Variants in MAGI1 observed in about 807,000 individuals in gnomAD.
MAGI1 encodes the protein membrane associated guanylate kinase, WW and PDZ domain containing 1.
MAGI1 carries 58 observed loss-of-function variants against 139.9 expected under a neutral mutation model. That is an observed-to-expected ratio of 0.41 (90% confidence interval 0.34 to 0.52). MAGI1 has a LOEUF of 0.52. MAGI1 is among the 20% of genes least tolerant of loss of function. The pLI, the probability that MAGI1 is intolerant of heterozygous loss-of-function variation, is 0.12. For missense variants in MAGI1, 1,874 were observed against 1,901.6 expected (o/e 0.99, Z 0.27); for synonymous variants, 812 against 737.9 (o/e 1.10, Z -1.63).
At chr3:65,599,953 T>A (rs1442744701) in intron 2 of MAGI1, among the ~76,000 whole-genome samples, 1 of 152,248 alleles carries the variant, frequency 6.6e-6, no homozygotes, top group Non-Finnish European at 1.5e-5. Flanking sequence ...TTTGCTTACC[T>A]ATTTTGTTTG....
At chr3:65,992,151 A>G (rs538793893) in intron 1 of MAGI1, among the ~76,000 whole-genome samples, 1 of 152,344 alleles carries the variant, frequency 6.6e-6, no homozygotes, top group South Asian at 2.1e-4. Context: ...TCACAAAACC[A>G]TAACATCCTC....
At chr3:65,989,874 T>C (rs1242548148) in intron 1 of MAGI1, among the ~76,000 whole-genome samples, 1 of 119,522 alleles carries the variant, frequency 8.4e-6, no homozygotes, top group Non-Finnish European at 1.7e-5. Context: ...AGTTGTTGTG[T>C]TCATTTTACT....
At chr3:65,971,590 CAT>C (rs1220466071) in intron 1 of MAGI1, among the ~76,000 whole-genome samples, 10 of 152,320 alleles carry the variant, frequency 6.6e-5, no homozygotes, top group South Asian at 2.1e-4. Context: ...AAGTCAAGCA[CAT>C]GTTTTCACGC....
Position 65,453,352 on chromosome 3 carries a change from A to G in MAGI1, c.960-12T>C. The G allele has an allele frequency of 6.3e-7, 1 of 1,582,168 alleles. No homozygotes were observed. The highest frequency in any genetic ancestry group is 8.6e-7 in the Non-Finnish European group (1 of 1,164,850). On this transcript the variant is annotated splice_polypyrimidine_tract_variant and intron_variant, in intron 5 of 22. Coordinates refer to ENST00000402939, the MANE Select transcript of MAGI1 (RefSeq NM_001033057.2). The stretch of plus-strand genomic sequence containing the variant: ...TTTTCGTGTTATGGCTGCAATCCAG[A>G]AACAAAAATAAGAAATTTGTTTGAA...
At chr3:65,828,365 C>T (rs974444163) in intron 1 of MAGI1, among the ~76,000 whole-genome samples, 5 of 152,166 alleles carry the variant, frequency 3.3e-5, no homozygotes, top group African/African-American at 9.7e-5. Flanking sequence ...AGATTTCTCA[C>T]CCCCCAAACT....
At chr3:65,839,136 C>A (rs916957386) in intron 1 of MAGI1, among the ~76,000 whole-genome samples, 1 of 152,130 alleles carries the variant, frequency 6.6e-6, no homozygotes, top group African/African-American at 2.4e-5. Flanking sequence ...CAGTCAACAA[C>A]AGACCACATA....
intron 12 of MAGI1, among the ~76,000 whole-genome samples, chr3:65,415,829 G>A (rs1946173651): frequency 6.6e-6 from 1 of 152,168 alleles, no homozygotes; most frequent in East Asian, 1.9e-4. Flanking sequence ...TGGGGAGACG[G>A]GGGTGCTACC....
intron 2 of MAGI1, among the ~76,000 whole-genome samples, chr3:65,592,848 T>C (rs1045436147): frequency 3.9e-5 from 6 of 152,184 alleles, no homozygotes; most frequent in Non-Finnish European, 8.8e-5. Flanking sequence ...AGTGGAAAGA[T>C]CTCATTTTAA....
chr3:65,371,121 C>T (rs1441121131), intron 18 of MAGI1, among the ~76,000 whole-genome samples: 1 of 152,216 alleles, frequency 6.6e-6, no homozygotes, highest in East Asian at 1.9e-4. Context: ...ATAAGATTGA[C>T]CAATTATAAA....
intron 4 of MAGI1, among the ~76,000 whole-genome samples, chr3:65,477,958 T>C (rs1301659128): frequency 2.6e-5 from 4 of 151,588 alleles, no homozygotes; most frequent in African/African-American, 4.8e-5. Flanking sequence ...GCCCTGAATA[T>C]AGATAAAATA....
At chr3:65,491,541 C>T (rs748142288) in intron 3 of MAGI1, among the ~76,000 whole-genome samples, 40 of 151,930 alleles carry the variant, frequency 2.6e-4, no homozygotes, top group Admixed American at 1.4e-3. Context: ...CGACTGAAGC[C>T]CCCCAGATGG....
chr3:65,910,855 C>CTTTTGTTTTTTTTTTTTTTTTTTT (rs2061633901), intron 1 of MAGI1, among the ~76,000 whole-genome samples: 1 of 59,484 alleles, frequency 1.7e-5, no homozygotes, highest in African/African-American at 7.9e-5. Flanking sequence ...ACATGGTGGA[C>CTTTTGTTTTTTTTTTTTTTTTTTT]TTTTTTTTTT....
chr3:66,004,207 C>T (rs2066896597), intron 1 of MAGI1, among the ~76,000 whole-genome samples: 1 of 152,208 alleles, frequency 6.6e-6, no homozygotes, highest in South Asian at 2.1e-4. Flanking sequence ...TGGCATAAAA[C>T]AACCCTTTCA....
intron 1 of MAGI1, among the ~76,000 whole-genome samples, chr3:65,669,555 A>C (rs1204488506): frequency 6.6e-6 from 1 of 152,248 alleles, no homozygotes; most frequent in Non-Finnish European, 1.5e-5. Context: ...GCTCTCGACC[A>C]GTCTGCTTTT....
chr3:65,916,009 T>C (rs143038548), intron 1 of MAGI1, among the ~76,000 whole-genome samples: 1 of 148,758 alleles, frequency 6.7e-6, no homozygotes, highest in Non-Finnish European at 1.5e-5. Context: ...TATATTTATA[T>C]ACATATAATT....
At chr3:65,867,090 T>C (rs1405845374) in intron 1 of MAGI1, among the ~76,000 whole-genome samples, 2 of 152,186 alleles carry the variant, frequency 1.3e-5, no homozygotes, top group Non-Finnish European at 2.9e-5. Context: ...GATCTGGAAA[T>C]TGGAGACCAT....
rs548840852 is a variant in MAGI1 at position 65,644,084 on chromosome 3, AGAG to A, written c.314-21999_314-21997del. On this transcript the variant is annotated intron_variant, in intron 1 of 22. Coordinates refer to ENST00000402939, the MANE Select transcript of MAGI1 (RefSeq NM_001033057.2). ...CCTCCCACTGAATGTCAAAGGAAGA[AGAG>A]GAGTGGGAAACCTAGACTTCTACCC... Among the ~76,000 whole-genome samples, 553 of 152,306 alleles carry A rather than the reference AGAG, an allele frequency of 3.6e-3. 6 individuals carry two copies. Among genetic ancestry groups the A allele is most frequent in the African/African-American group, 0.013 (533 of 41,568 alleles).
At chr3:66,018,800 C>G (rs2067808507) in intron 1 of MAGI1, among the ~76,000 whole-genome samples, 1 of 152,218 alleles carries the variant, frequency 6.6e-6, no homozygotes, top group South Asian at 2.1e-4. Context: ...CCATCCTCCT[C>G]TTTCAAGTCA....
chr3:65,707,183 T>C (rs1005845366), intron 1 of MAGI1, among the ~76,000 whole-genome samples: 1 of 152,230 alleles, frequency 6.6e-6, no homozygotes, highest in African/African-American at 2.4e-5. Context: ...TCAGTGCTGA[T>C]TGGCAGGGCT....
Sources: gnomAD v4.1 joint callset for allele counts (sites outside exome capture counted in the v4.1 genomes callset) on GRCh38, gnomAD v4.1.1 for gene constraint, MANE v1.5 for transcripts, NCBI Gene and HGNC (gene_info 2026-07-23, HGNC 2026-07-21) for gene names.